Variants in PIK3C3 observed in about 807,000 individuals in gnomAD.
PIK3C3 encodes PI3-kinase type 3.
PIK3C3 carries 95 observed loss-of-function variants against 126.1 expected under a neutral mutation model. The observed-to-expected ratio is 0.75, with a 90% CI of 0.64 to 0.89. PIK3C3 has a LOEUF of 0.89. PIK3C3 is among the 40% of genes least tolerant of loss of function. The pLI is 0.00. For synonymous variants in PIK3C3, 374 were observed against 360.0 expected (o/e 1.04, Z -0.44); for missense variants, 829 against 1,063.2 (o/e 0.78, Z 3.06).
chr18:41,977,481 G>A (rs1041139751), intron 4 of PIK3C3, among the ~76,000 whole-genome samples: 1 of 151,912 alleles, frequency 6.6e-6, no homozygotes, highest in Non-Finnish European at 1.5e-5. Context: ...AGAGGAAGTG[G>A]CTATATAGAT....
At chr18:41,975,440 A>C (rs1347194473) in intron 4 of PIK3C3, among the ~76,000 whole-genome samples, 1 of 152,172 alleles carries the variant, frequency 6.6e-6, no homozygotes, top group Non-Finnish European at 1.5e-5. Context: ...TGGACAGTGC[A>C]CATGTCGAAC....
chr18:42,032,667 T>TA (rs5824390), intron 15 of PIK3C3, among the ~76,000 whole-genome samples: 1 of 151,370 alleles, frequency 6.6e-6, no homozygotes, highest in African/African-American at 2.4e-5. Flanking sequence ...TTTATTTATT[T>TA]TAATTAGCGC....
At chr18:42,037,606 T>C in intron 16 of PIK3C3, 86 bp from the exon 17 acceptor site, 1 of 1,215,550 alleles carries the variant, frequency 8.2e-7, no homozygotes, top group South Asian at 1.5e-5. Context: ...GTATTTATCT[T>C]ATATATCAAC....
Position 41,971,656 on chromosome 18 carries a change from G to T in PIK3C3, c.531+1200G>T, listed in dbSNP as rs1242837173. On this transcript the variant is annotated intron_variant, in intron 4 of 24. Transcript: ENST00000262039. ...TGATCTTTCATTTGAGCTACTCTCT[G>T]TCCCTTTTACAAACCTTGAATAGTT... Among the ~76,000 whole-genome samples the T allele has an allele frequency of 3.9e-5, 6 of 152,054 alleles. 1 individual carries two copies. The Middle Eastern group carries it at 0.014, about 345-fold the overall frequency.
Position 42,081,252 on chromosome 18 carries a change from A to G in PIK3C3, c.*115A>G, listed in dbSNP as rs1986239191. ...CAAGGAAGAGAAATCTTAATCTTCAAGTTACCATATTTTCCAAATATTACA... is the reference window on the plus strand; with the variant it reads ...CAAGGAAGAGAAATCTTAATCTTCAGGTTACCATATTTTCCAAATATTACA... On this transcript the variant is annotated 3_prime_UTR_variant, in exon 25 of 25. Transcript: ENST00000262039. 2 of 646,428 alleles carry G rather than the reference A, an allele frequency of 3.1e-6. No individual in the cohort carries two copies. Among genetic ancestry groups the G allele is most frequent in the Admixed American group, 2.9e-5 (1 of 34,806 alleles). The allele number at this position is 646,428 out of a possible 1,614,324, so 40.0% of individuals were successfully genotyped here.
chr18:42,074,354 TA>T (rs1985894107), intron 24 of PIK3C3, among the ~76,000 whole-genome samples: 2 of 152,130 alleles, frequency 1.3e-5, no homozygotes, highest in Non-Finnish European at 2.9e-5. Flanking sequence ...TTAATTTATT[TA>T]AAGTCCTTAC....
chr18:42,076,167 T>TATATATATGCACATATATATATATGCGC (rs1568013860), intron 24 of PIK3C3, among the ~76,000 whole-genome samples: 2 of 112,240 alleles, frequency 1.8e-5, no homozygotes, highest in African/African-American at 1.0e-4. Flanking sequence ...TATATGCACA[T>TATATATATGCACATATATATATATGCGC]ATATATATAT....
intron 2 of PIK3C3, among the ~76,000 whole-genome samples, chr18:41,959,309 C>T (rs1269668366): frequency 2.0e-5 from 3 of 152,174 alleles, no homozygotes; most frequent in Admixed American, 6.5e-5. Context: ...TCTCCTCCTC[C>T]TCCCATTTGC....
intron 24 of PIK3C3, among the ~76,000 whole-genome samples, chr18:42,074,610 T>C (rs1455362530): frequency 1.3e-5 from 2 of 152,196 alleles, no homozygotes; most frequent in African/African-American, 2.4e-5. Flanking sequence ...AAACAAACTA[T>C]TGCAGGTTTA....
chr18:42,008,121 C>T (rs1239617734), intron 10 of PIK3C3, among the ~76,000 whole-genome samples: 3 of 152,076 alleles, frequency 2.0e-5, no homozygotes, highest in African/African-American at 4.8e-5. Flanking sequence ...ATCAGCCATA[C>T]ACTTGTAAAA....
At chr18:42,038,343 T>C (rs751207723) in intron 17 of PIK3C3, among the ~76,000 whole-genome samples, 11 of 152,040 alleles carry the variant, frequency 7.2e-5, no homozygotes, top group Non-Finnish European at 1.5e-4. Context: ...CAAAGTTAAA[T>C]TAACTATTTT....
rs1555643425 is a variant in PIK3C3 at position 42,076,151 on chromosome 18, T to TATATATATGCAC, written c.2650-4964_2650-4963insGCACATATATAT. ...ATATATATATATATATATGCGCATA[T>TATATATATGCAC]ATATATATATGCACATATATATATA... On this transcript the variant is annotated intron_variant, in intron 24 of 24. Transcript: ENST00000262039. Among the ~76,000 whole-genome samples, 39 of 103,732 alleles carry TATATATATGCAC rather than the reference T, an allele frequency of 3.8e-4. 2 individuals are homozygous for TATATATATGCAC. Among genetic ancestry groups the TATATATATGCAC allele is most frequent in the African/African-American group, 1.6e-3 (28 of 17,998 alleles). 68.1% of individuals were successfully genotyped at this position (103,732 alleles called of 152,430 possible). A position where few individuals can be genotyped will look rare whatever the true frequency, so the allele number is the denominator to read the frequency against.
At chr18:42,018,131 C>A (rs911779423) in intron 12 of PIK3C3, among the ~76,000 whole-genome samples, 4 of 150,646 alleles carry the variant, frequency 2.7e-5, no homozygotes, top group African/African-American at 9.8e-5. Context: ...AGATACTTTT[C>A]TTGAAGGATA....
intron 21 of PIK3C3, chr18:42,050,248 G>A (rs1452315898): frequency 1.3e-5 from 2 of 152,152 alleles, no homozygotes; most frequent in East Asian, 1.9e-4. Context: ...CTTACAAAGT[G>A]TGCTTAATTC....
At chr18:41,990,926 TAA>T (rs966641277) in intron 6 of PIK3C3, among the ~76,000 whole-genome samples, 1 of 152,178 alleles carries the variant, frequency 6.6e-6, no homozygotes, top group African/African-American at 2.4e-5. Context: ...TATTGAAAGT[TAA>T]GAGTCTGTTT....
rs1289206436 is a variant in PIK3C3, at chr18:42,033,841, G to A, written c.1723G>A (p.Ala575Thr). 5 of 1,602,770 alleles carry A rather than the reference G, an allele frequency of 3.1e-6. No individual in the cohort carries two copies. Among genetic ancestry groups the A allele is most frequent in the Non-Finnish European group, 4.3e-6 (5 of 1,173,432 alleles). The change falls in exon 16 of 25, where the codon GCA (alanine) becomes ACA (threonine). Residue 575 changes from alanine to threonine, a missense_variant. Physicochemically the swap from Ala to Thr is moderately conservative, Grantham distance 58 (BLOSUM62 0). Coordinates refer to ENST00000262039, the MANE Select transcript of PIK3C3 (RefSeq NM_002647.4). ...NRKKKNERLQ[A>T]LLGDNEKMNL... is the part of the protein sequence containing the mutation. ...TTTGTTCTAGAATGAGAGACTACAG[G>A]CATTGCTTGGAGATAATGAAAAGAT...
chr18:41,980,325 A>G (rs1207375171), intron 4 of PIK3C3, among the ~76,000 whole-genome samples: 1 of 152,190 alleles, frequency 6.6e-6, no homozygotes, highest in Non-Finnish European at 1.5e-5. Context: ...GATTTAGGTT[A>G]TAGCTCAAGT....
intron 23 of PIK3C3, among the ~76,000 whole-genome samples, chr18:42,066,450 G>A (rs752882140): frequency 1.3e-5 from 2 of 152,032 alleles, no homozygotes; most frequent in African/African-American, 4.8e-5. Flanking sequence ...AGAAGTATAT[G>A]TGGGTTATTT....
chr18:42,052,852 T>C (rs1709710747), intron 21 of PIK3C3: 1 of 152,212 alleles, frequency 6.6e-6, no homozygotes, highest in Non-Finnish European at 1.5e-5. Context: ...TTGAAAACTT[T>C]GGGTTCTCTT....
Sources: allele counts gnomAD v4.1 joint callset (sites outside exome capture counted in the v4.1 genomes callset), GRCh38; gene constraint gnomAD v4.1.1; transcripts MANE v1.5; gene names NCBI Gene and HGNC (gene_info 2026-07-23, HGNC 2026-07-21).